PDZD2: variants seen among roughly 807,000 people sequenced by gnomAD.
PDZD2 encodes PDZ domain-containing protein 2.
Under a neutral mutation model 220.7 loss-of-function variants are expected in PDZD2, and 90 were observed. That is an observed-to-expected ratio of 0.41 (90% confidence interval 0.34 to 0.49). The LOEUF (loss-of-function observed/expected upper bound fraction) is 0.49, where lower values mean the gene tolerates loss of function less well. Ranked by LOEUF, PDZD2 falls within the 20% of genes least tolerant of loss-of-function variation. The pLI, the probability that PDZD2 is intolerant of heterozygous loss-of-function variation, is 0.28. For missense variants in PDZD2, 3,174 were observed against 3,608.5 expected (o/e 0.88, Z 3.08); for synonymous variants, 1,375 against 1,450.5 (o/e 0.95, Z 1.18).
intron 23 of PDZD2, 57 bp from the exon 24 acceptor site, chr5:32,101,048 C>T: frequency 1.2e-6 from 2 of 1,608,774 alleles, no homozygotes; most frequent in Non-Finnish European, 1.7e-6. Flanking sequence ...GGGACTTGGA[C>T]ATGTGGCATG....
chr5:31,979,443 G>T (rs1415327551), intron 2 of PDZD2, among the ~76,000 whole-genome samples: 5 of 152,016 alleles, frequency 3.3e-5, no homozygotes, highest in Non-Finnish European at 7.4e-5. Context: ...AGCCGGGCAT[G>T]GTGGTGGGCA....
chr5:31,848,317 A>G (rs1032816477), intron 2 of PDZD2, among the ~76,000 whole-genome samples: 2 of 152,244 alleles, frequency 1.3e-5, no homozygotes, highest in African/African-American at 4.8e-5. Flanking sequence ...GTCAAGAAGC[A>G]TTTGTATTCA....
intron 1 of PDZD2, among the ~76,000 whole-genome samples, chr5:31,691,068 C>T (rs1747096127): frequency 2.0e-5 from 3 of 152,196 alleles, no homozygotes; most frequent in Admixed American, 2.0e-4. Flanking sequence ...AGAATGAAGC[C>T]GCGGACCCTC....
chr5:31,919,496 G>A (rs1330563846), intron 2 of PDZD2, among the ~76,000 whole-genome samples: 1 of 151,812 alleles, frequency 6.6e-6, no homozygotes, highest in Non-Finnish European at 1.5e-5. Flanking sequence ...ACAGGCACAC[G>A]CCACCACGCC....
chr5:31,837,754 G>A (rs1408736535), intron 2 of PDZD2, among the ~76,000 whole-genome samples: 4 of 152,046 alleles, frequency 2.6e-5, no homozygotes, highest in African/African-American at 9.7e-5. Flanking sequence ...GGGCATGATG[G>A]TGTGTGCCTG....
chr5:31,981,887 C>T (rs1007302486), intron 2 of PDZD2, among the ~76,000 whole-genome samples: 3 of 152,166 alleles, frequency 2.0e-5, no homozygotes, highest in Admixed American at 2.0e-4. Context: ...CCGAATACCC[C>T]TAATTACTCA....
Position 32,072,216 on chromosome 5 carries a change from G to A in PDZD2, c.2624G>A (p.Gly875Asp). 6.2e-7 allele frequency: 1 copy of A among 1,613,514 alleles called. No homozygotes were observed. The highest frequency in any genetic ancestry group is 1.1e-5 in the South Asian group (1 of 91,072). The change falls in exon 17 of 25, where the codon GGC becomes GAC. Residue 875 changes from glycine (G) to aspartate (D), a missense_variant. Transcript: ENST00000438447. The stretch of plus-strand genomic sequence containing the variant: ...CAGTACTTTGCCCACGATGTCCCTG[G>A]CCCCTTGTCAGACTTCATGGTGGCC... ...LSQYFAHDVPGPLSDFMVAGS... is the reference protein window; with the variant it reads ...LSQYFAHDVPDPLSDFMVAGS...
intron 1 of PDZD2, among the ~76,000 whole-genome samples, chr5:31,772,944 G>A (rs1024121873): frequency 6.6e-6 from 1 of 152,178 alleles, no homozygotes; most frequent in East Asian, 1.9e-4. Context: ...GCTTGAGAAG[G>A]TTCCATGGAG....
chr5:32,088,340 T>C lies in PDZD2; in HGVS notation c.4892T>C (p.Leu1631Pro). 4 of 1,614,150 alleles carry C rather than the reference T, an allele frequency of 2.5e-6. No homozygotes were observed. In the South Asian group the frequency reaches 3.3e-5, roughly 13 times the overall value. ...AAICPASAKV[L>P]SLKYSTPRES... ...ATCTGTCCTGCCTCAGCCAAAGTTC[T>C]GTCATTAAAATACAGCACTCCGAGA... Residue 1631 changes from leucine (L) to proline (P), a missense_variant, in exon 20 of 25, where the codon CTG becomes CCG. This residue lies in a region of PDZD2 where 1,861 missense variants were observed against 2,001.0 expected (regional missense o/e 0.93). Coordinates refer to ENST00000438447, the MANE Select transcript of PDZD2 (RefSeq NM_178140.4). This position sits in a 1 kb window ranked among gnomAD's most constrained non-coding sequence, Gnocchi z 4.6.
chr5:31,644,214 G>T (rs1402404095), intron 1 of PDZD2, among the ~76,000 whole-genome samples: 1 of 152,114 alleles, frequency 6.6e-6, no homozygotes, highest in Non-Finnish European at 1.5e-5. Flanking sequence ...TCTAGATTTG[G>T]ACCTATGCAT....
intron 2 of PDZD2, among the ~76,000 whole-genome samples, chr5:31,946,175 G>A (rs1746614035): frequency 6.6e-6 from 1 of 152,146 alleles, no homozygotes; most frequent in Admixed American, 6.5e-5. Flanking sequence ...GTTAATTCTT[G>A]CATTTTTAGT....
At position 32,089,317 on chromosome 5, in the gene PDZD2, G is replaced by A; in HGVS notation, c.5869G>A (p.Val1957Met). 6.2e-7 allele frequency: 1 copy of A among 1,614,130 alleles called. No homozygotes were observed. The highest frequency in any genetic ancestry group is 2.2e-5 in the East Asian group (1 of 44,880). ...TTAAPRSPQC[V>M]LESKPPLATS... ...AGCTGCCCCCAGGTCCCCCCAGTGT[G>A]TGCTGGAAAGCAAGCCACCTCTTGC... Residue 1957 changes from valine to methionine, a missense_variant, in exon 20 of 25, where the codon GTG (valine) becomes ATG (methionine). Around this residue, in one of 4 missense-constraint regions of PDZD2, gnomAD observed 1,861 missense variants for 2,001.0 expected, o/e 0.93. Coordinates refer to ENST00000438447, the MANE Select transcript of PDZD2 (RefSeq NM_178140.4).
chr5:31,668,193 C>A lies in PDZD2; in HGVS notation c.-361+28756C>A, dbSNP rs568169140. Among the ~76,000 whole-genome samples, 48 of 152,188 alleles carry A rather than the reference C, an allele frequency of 3.2e-4. 1 individual carries two copies. Among genetic ancestry groups the A allele is most frequent in the African/African-American group, 1.1e-3 (46 of 41,528 alleles). ...CCTTTTTTCATTGTGTTGGTGAATG[C>A]GTGCAGAGATGGAGGTCTGCTTTCC... On this transcript the variant is annotated intron_variant, in intron 1 of 24. Transcript: ENST00000438447.
At chr5:31,828,096 A>G (rs1362262407) in intron 2 of PDZD2, among the ~76,000 whole-genome samples, 3 of 152,186 alleles carry the variant, frequency 2.0e-5, no homozygotes, top group Non-Finnish European at 2.9e-5. Context: ...CCATCCATCC[A>G]TTTGTGGACA....
chr5:31,709,795 A>G (rs944061122), intron 1 of PDZD2, among the ~76,000 whole-genome samples: 1 of 152,104 alleles, frequency 6.6e-6, no homozygotes, highest in Non-Finnish European at 1.5e-5. Context: ...GTCTCTACTA[A>G]AAATACACAC....
Position 31,908,450 on chromosome 5 carries a change from C to T in PDZD2, c.477-74705C>T, listed in dbSNP as rs564324502. On this transcript the variant is annotated intron_variant, in intron 2 of 24. Transcript: ENST00000438447. Reference sequence around the variant, plus strand: ...GACTGGCTGTGCGTGGAAGTGGAGGCGAAGATGGTCTGTAGGAGAGAGGGT... The same window carrying T: ...GACTGGCTGTGCGTGGAAGTGGAGGTGAAGATGGTCTGTAGGAGAGAGGGT... 1.2e-5 allele frequency: 8 copies of T among 673,264 alleles called. No homozygotes were observed. In the South Asian group the frequency reaches 1.6e-4, roughly 13 times the overall value. 41.7% of individuals were successfully genotyped at this position (673,264 alleles called of 1,614,324 possible).
At chr5:31,906,674 C>G (rs1379705307) in intron 2 of PDZD2, among the ~76,000 whole-genome samples, 3 of 151,994 alleles carry the variant, frequency 2.0e-5, no homozygotes, top group Non-Finnish European at 4.4e-5. Flanking sequence ...GAAACCCCGT[C>G]TCTACTAAAA....
chr5:31,814,740 C>T (rs1020552646), intron 2 of PDZD2, among the ~76,000 whole-genome samples: 1 of 151,810 alleles, frequency 6.6e-6, no homozygotes, highest in Non-Finnish European at 1.5e-5. Context: ...ATCGCTTGAA[C>T]CTGGGAGTCA....
At position 31,766,150 on chromosome 5, in the gene PDZD2, A is replaced by C. The variant is rs114307116; in HGVS notation, c.-360-32739A>C. On this transcript the variant is annotated intron_variant, in intron 1 of 24. Transcript: ENST00000438447. ...AGCAGTGATCAGGGTATTGCACTCC[A>C]GCCTAGGCAACAGAGTGAGACCCTG... 9.1e-3 allele frequency among the ~76,000 whole-genome samples: 1,386 copies of C among 152,322 alleles called. 18 individuals carry two copies. The highest frequency in any genetic ancestry group is 0.031 in the African/African-American group (1,272 of 41,566).
Sources: gnomAD v4.1 joint callset for allele counts (sites outside exome capture counted in the v4.1 genomes callset) on GRCh38, gnomAD v4.1.1 for gene constraint, gnomAD v4.1.1 regional missense constraint, Gnocchi (gnomAD v3.1) non-coding constraint, MANE v1.5 for transcripts, NCBI Gene and HGNC (gene_info 2026-07-23, HGNC 2026-07-21) for gene names.